The following TAFA2 variants were observed in gnomAD, a reference collection of about 807,000 sequenced individuals.
The protein encoded by TAFA2 is chemokine-like protein TAFA-2.
A neutral mutation model predicts 18.8 loss-of-function variants in TAFA2; 7 were observed. The observed-to-expected ratio is 0.37, with a 90% CI of 0.21 to 0.70. The LOEUF (loss-of-function observed/expected upper bound fraction) is 0.70, where lower values mean the gene tolerates loss of function less well. TAFA2 is among the 30% of genes least tolerant of loss of function. The probability of loss-of-function intolerance (pLI) is 0.53; values close to 1 mark genes in which losing one functional copy is unlikely to be tolerated. For missense variants in TAFA2, 122 were observed against 158.1 expected (o/e 0.77, Z 1.23); for synonymous variants, 60 against 54.2 (o/e 1.11, Z -0.47).
chr12:62,134,642 G>C (rs1870824346), intron 1 of TAFA2, among the ~76,000 whole-genome samples: 1 of 152,034 alleles, frequency 6.6e-6, no homozygotes, highest in African/African-American at 2.4e-5. Context: ...GCTATGATTT[G>C]TTTCCTTGTT....
chr12:61,798,339 T>G (rs1028263162), intron 2 of TAFA2, among the ~76,000 whole-genome samples: 3 of 152,138 alleles, frequency 2.0e-5, no homozygotes, highest in Admixed American at 6.5e-5. Context: ...TATTTTTTAT[T>G]TATTATACTT....
intron 1 of TAFA2, among the ~76,000 whole-genome samples, chr12:62,203,378 G>C (rs1362770821): frequency 6.6e-6 from 1 of 152,318 alleles, no homozygotes; most frequent in Middle Eastern, 3.4e-3. Flanking sequence ...CTGAGTTCAA[G>C]TCCTGAATAT....
At chr12:62,046,998 T>G (rs1881927127) in intron 1 of TAFA2, among the ~76,000 whole-genome samples, 1 of 152,048 alleles carries the variant, frequency 6.6e-6, no homozygotes, top group Non-Finnish European at 1.5e-5. Context: ...AAGTATAAGT[T>G]TATTTTTTAT....
chr12:61,784,180 C>A lies in TAFA2; in HGVS notation c.107-29156G>T, dbSNP rs181787674. ...ATTTTGGATAGTTAGAAATAAGACC[C>A]CTCTTTACAAAAAGATAGGGAGCTA... On this transcript the variant is annotated intron_variant, in intron 2 of 4. Transcript: ENST00000416284. Among the ~76,000 whole-genome samples, 23 of 151,454 alleles carry A rather than the reference C, an allele frequency of 1.5e-4. No homozygotes were observed. The East Asian group carries it at 4.1e-3, about 27-fold the overall frequency.
At chr12:61,849,135 C>T (rs773542402) in intron 2 of TAFA2, among the ~76,000 whole-genome samples, 6 of 152,068 alleles carry the variant, frequency 3.9e-5, no homozygotes, top group East Asian at 1.9e-4. Flanking sequence ...TGAGTCACTG[C>T]GCCCGGCCAT....
chr12:62,060,962 A>G (rs552750408), intron 1 of TAFA2, among the ~76,000 whole-genome samples: 1 of 152,100 alleles, frequency 6.6e-6, no homozygotes, highest in Admixed American at 6.5e-5. Context: ...ATATTTTTGT[A>G]CAGCTGTAAA....
intron 1 of TAFA2, among the ~76,000 whole-genome samples, chr12:61,926,662 A>T (rs1352730885): frequency 6.6e-6 from 1 of 152,058 alleles, no homozygotes. Context: ...CATGCTAAAA[A>T]CTCTCAATAA....
At chr12:62,185,929 G>A (rs545536639) in intron 1 of TAFA2, among the ~76,000 whole-genome samples, 4 of 152,184 alleles carry the variant, frequency 2.6e-5, no homozygotes, top group Non-Finnish European at 5.9e-5. Context: ...TAAAACCATG[G>A]CAGAGTTTTC....
chr12:62,166,347 CA>C lies in TAFA2; in HGVS notation c.-2+24911del, dbSNP rs2062439789. 2.0e-5 allele frequency among the ~76,000 whole-genome samples: 3 copies of C among 152,164 alleles called. No individual in the cohort carries two copies. The South Asian group carries it at 6.2e-4, about 31-fold the overall frequency. The stretch of plus-strand genomic sequence containing the variant: ...CAAAATAGCAACCCCTATGGAGAGA[CA>C]TTTGGCAAAATTACATGTAGTTTTA... On this transcript the variant is annotated intron_variant, in intron 1 of 4. Transcript: ENST00000416284.
At chr12:62,158,976 A>C (rs1320936) in intron 1 of TAFA2, among the ~76,000 whole-genome samples, 7,730 of 152,338 alleles carry the variant, frequency 0.051, 278 homozygotes, top group Non-Finnish European at 0.075. Context: ...GTTTAGAAGG[A>C]AAAAGTTGTA....
chr12:62,185,223 T>G (rs2062578153), intron 1 of TAFA2, among the ~76,000 whole-genome samples: 1 of 152,224 alleles, frequency 6.6e-6, no homozygotes, highest in Non-Finnish European at 1.5e-5. Context: ...GAACTAAACT[T>G]TTAAAAATTA....
chr12:61,845,987 A>G (rs1189488228), intron 2 of TAFA2, among the ~76,000 whole-genome samples: 1 of 152,176 alleles, frequency 6.6e-6, no homozygotes, highest in Non-Finnish European at 1.5e-5. Context: ...AATTCATTTT[A>G]TAAAATAAGC....
chr12:61,927,892 C>A (rs1413093352), intron 1 of TAFA2, among the ~76,000 whole-genome samples: 1 of 152,126 alleles, frequency 6.6e-6, no homozygotes, highest in Non-Finnish European at 1.5e-5. Flanking sequence ...ACAAACCTGA[C>A]AAAAACAAGC....
chr12:62,141,636 C>T (rs1282899495), intron 1 of TAFA2, among the ~76,000 whole-genome samples: 3 of 152,042 alleles, frequency 2.0e-5, no homozygotes, highest in Non-Finnish European at 4.4e-5. Context: ...TTTGATTTGG[C>T]TTTATATTAT....
chr12:61,832,178 T>G (rs1343713563), intron 2 of TAFA2, among the ~76,000 whole-genome samples: 1 of 152,060 alleles, frequency 6.6e-6, no homozygotes, highest in Non-Finnish European at 1.5e-5. Context: ...AACTCACTTG[T>G]ACCCAACACC....
At chr12:61,737,181 T>G (rs566416594) in intron 4 of TAFA2, among the ~76,000 whole-genome samples, 2 of 152,084 alleles carry the variant, frequency 1.3e-5, no homozygotes, top group South Asian at 4.1e-4. Context: ...AACACTGCAA[T>G]ATTGGGATTT....
intron 2 of TAFA2, among the ~76,000 whole-genome samples, chr12:61,848,793 C>A: frequency 7.0e-6 from 1 of 143,138 alleles, no homozygotes; most frequent in South Asian, 2.2e-4. Context: ...ATAGCAGAAA[C>A]AATAATATGT....
chr12:62,092,091 T>A (rs886905436), intron 1 of TAFA2, among the ~76,000 whole-genome samples: 1 of 151,952 alleles, frequency 6.6e-6, no homozygotes, highest in Non-Finnish European at 1.5e-5. Flanking sequence ...CTTGATAATA[T>A]AGATAACCAG....
At chr12:61,753,866 A>G (rs1869137469) in intron 3 of TAFA2, 120 bp from the exon 4 acceptor site, 9 of 700,282 alleles carry the variant, frequency 1.3e-5, no homozygotes, top group Non-Finnish European at 2.0e-5. Context: ...CAGGTATTTG[A>G]GGTATGCCTT....
Sources: gnomAD v4.1 joint callset for allele counts (sites outside exome capture counted in the v4.1 genomes callset) on GRCh38, gnomAD v4.1.1 for gene constraint, MANE v1.5 for transcripts, NCBI Gene and HGNC (gene_info 2026-07-23, HGNC 2026-07-21) for gene names.